Variants in ACSS2 observed in about 807,000 individuals in gnomAD.
ACSS2 encodes acyl-CoA synthetase short chain family member 2.
Under a neutral mutation model 90.6 loss-of-function variants are expected in ACSS2, and 58 were observed. The observed-to-expected ratio is 0.64, with a 90% confidence interval of 0.52 to 0.80. The LOEUF (loss-of-function observed/expected upper bound fraction) is 0.80. ACSS2 is among the 30% of genes least tolerant of loss of function. ACSS2 has a pLI of 0.00. For missense variants in ACSS2, 759 were observed against 912.0 expected (o/e 0.83, Z 2.16); for synonymous variants, 300 against 330.9 (o/e 0.91, Z 1.01).
At chr20:34,920,768 C>T in intron 9 of ACSS2, 59 bp downstream of exon 9, 1 of 1,551,480 alleles carries the variant, frequency 6.4e-7, no homozygotes, top group Non-Finnish European at 8.7e-7. Context: ...TGGGTGACTA[C>T]CTCCCAAGGC....
rs750983718 is a variant in ACSS2 at position 34,920,997 on chromosome 20, A to G, written c.1144-9A>G. On this transcript the variant is annotated splice_polypyrimidine_tract_variant and intron_variant, in intron 9 of 17. Transcript: ENST00000360596. ...GAAAGACTGGGAATGACCAGCCTTC[A>G]TGGGTCAGTTTGAGGGGATTCCCAC... is the stretch of plus-strand genomic sequence containing the variant. 4 of 1,614,138 alleles carry G rather than the reference A, an allele frequency of 2.5e-6. No individual in the cohort carries two copies. Among genetic ancestry groups the G allele is most frequent in the South Asian group, 1.1e-5 (1 of 91,084 alleles).
chr20:34,887,270 C>T (rs1440222688), intron 2 of ACSS2, among the ~76,000 whole-genome samples: 1 of 152,128 alleles, frequency 6.6e-6, no homozygotes, highest in Non-Finnish European at 1.5e-5. Context: ...TTTTTTCACT[C>T]GTGACACTAC....
chr20:34,907,162 G>C (rs1392340311), intron 2 of ACSS2, among the ~76,000 whole-genome samples: 1 of 150,674 alleles, frequency 6.6e-6, no homozygotes, highest in African/African-American at 2.4e-5. Context: ...CTGTCACCCA[G>C]GGTGGAGTGC....
intron 2 of ACSS2, among the ~76,000 whole-genome samples, chr20:34,902,217 C>T (rs917018966): frequency 3.3e-5 from 5 of 152,140 alleles, no homozygotes; most frequent in Admixed American, 2.0e-4. Flanking sequence ...ACAAGACCAA[C>T]TTGGCCTCTG....
chr20:34,913,966 C>T (rs1425339599), intron 5 of ACSS2, 130 bp from the exon 6 acceptor site: 1 of 1,366,674 alleles, frequency 7.3e-7, no homozygotes, highest in Non-Finnish European at 1.0e-6. Context: ...CCTCAGCTGA[C>T]CCTCTGTCAG....
At chr20:34,904,168 A>C (rs904878457) in intron 2 of ACSS2, among the ~76,000 whole-genome samples, 8 of 152,048 alleles carry the variant, frequency 5.3e-5, no homozygotes, top group Admixed American at 6.6e-5. Flanking sequence ...GAAAAAGAGA[A>C]ACTAACAAAA....
intron 2 of ACSS2, among the ~76,000 whole-genome samples, chr20:34,907,122 T>A (rs1333225653): frequency 6.8e-6 from 1 of 147,950 alleles, no homozygotes; most frequent in Non-Finnish European, 1.5e-5. Flanking sequence ...TAAAACAGAA[T>A]GTGTTTTTTT....
chr20:34,910,467 C>T (rs2080925045), intron 2 of ACSS2, among the ~76,000 whole-genome samples: 1 of 152,182 alleles, frequency 6.6e-6, no homozygotes, highest in South Asian at 2.1e-4. Context: ...GACAATATAT[C>T]GAGACTCTGC....
chr20:34,878,548 C>T (rs2079982765), intron 1 of ACSS2, among the ~76,000 whole-genome samples: 1 of 152,172 alleles, frequency 6.6e-6, no homozygotes. Context: ...ATAAATCAAG[C>T]AATTACCAAG....
Position 34,882,872 on chromosome 20 carries a change from T to A in ACSS2, c.257T>A (p.Val86Glu), listed in dbSNP as rs1468271250. 1 of 1,613,860 alleles carries A rather than the reference T, an allele frequency of 6.2e-7. No homozygotes were observed. The highest frequency in any genetic ancestry group is 8.5e-7 in the Non-Finnish European group (1 of 1,179,956). The change falls in exon 2 of 18, where the codon GTG becomes GAG. Residue 86 changes from valine (V) to glutamate (E), a missense_variant. Coordinates refer to ENST00000360596, the MANE Select transcript of ACSS2 (RefSeq NM_018677.4). ...CCATTCCTTCGGTACAACTTTGATG[T>A]GACTAAAGGGAAAATCTTCATTGAG... ...PGPFLRYNFD[V>E]TKGKIFIEWM...
At chr20:34,889,765 C>T (rs2080289490) in intron 2 of ACSS2, among the ~76,000 whole-genome samples, 1 of 152,152 alleles carries the variant, frequency 6.6e-6, no homozygotes, top group Non-Finnish European at 1.5e-5. Context: ...AATTCTGGAT[C>T]TATTTTGAAT....
chr20:34,885,524 G>C (rs2080171322), intron 2 of ACSS2, among the ~76,000 whole-genome samples: 1 of 152,202 alleles, frequency 6.6e-6, no homozygotes, highest in Non-Finnish European at 1.5e-5. Context: ...AATTACTGGA[G>C]ATATTAGTAG....
In ACSS2 at chr20:34,900,337, A is replaced by ATTT. The variant is rs35829893; in HGVS notation, c.375-12744_375-12742dup. ...GGTGCGTGCCACCATGCCCGGCTAA[A>ATTT]TTTTTTTTTTTTTTTTTAGTAGAGA... On this transcript the variant is annotated intron_variant, in intron 2 of 17. Transcript: ENST00000360596. Among the ~76,000 whole-genome samples, 12 of 142,062 alleles carry ATTT rather than the reference A, an allele frequency of 8.4e-5. No individual in the cohort carries two copies. In the East Asian group the frequency reaches 1.2e-3, roughly 15 times the overall value. 93.2% of individuals were successfully genotyped at this position (142,062 alleles called of 152,430 possible).
upstream of ACSS2, chr20:34,876,387 T>G: frequency 3.0e-6 from 1 of 336,474 alleles, no homozygotes; most frequent in Non-Finnish European, 5.3e-6. Flanking sequence ...CTCGACGGCG[T>G]CACTCCTTCC....
chr20:34,901,258 C>A (rs866804092), intron 2 of ACSS2, among the ~76,000 whole-genome samples: 2 of 152,038 alleles, frequency 1.3e-5, no homozygotes, highest in East Asian at 1.9e-4. Context: ...CTTTCTTTTT[C>A]TCTTTTCTTT....
chr20:34,879,238 C>T (rs2080008319), intron 1 of ACSS2, among the ~76,000 whole-genome samples: 1 of 152,012 alleles, frequency 6.6e-6, no homozygotes, highest in African/African-American at 2.4e-5. Flanking sequence ...GATAATCTAG[C>T]TCCACCCTGC....
intron 2 of ACSS2, among the ~76,000 whole-genome samples, chr20:34,910,125 G>A (rs1005822144): frequency 2.4e-4 from 36 of 151,688 alleles, no homozygotes; most frequent in Admixed American, 1.6e-3. Flanking sequence ...GGATTCAAGC[G>A]ATTCTCCTGC....
chr20:34,923,904 C>T (rs952821537), intron 14 of ACSS2, among the ~76,000 whole-genome samples: 1 of 149,774 alleles, frequency 6.7e-6, no homozygotes, highest in Non-Finnish European at 1.5e-5. Context: ...TTGGAAGGGA[C>T]AAACATCCAA....
intron 2 of ACSS2, among the ~76,000 whole-genome samples, chr20:34,891,480 A>G (rs1212108948): frequency 6.6e-6 from 1 of 152,082 alleles, no homozygotes; most frequent in African/African-American, 2.4e-5. Context: ...GATTTTGTTT[A>G]TTTATTTATT....
Sources: allele counts gnomAD v4.1 joint callset (sites outside exome capture counted in the v4.1 genomes callset), GRCh38; gene constraint gnomAD v4.1.1; transcripts MANE v1.5; gene names NCBI Gene and HGNC (gene_info 2026-07-23, HGNC 2026-07-21).